USP32: variants seen among roughly 807,000 people sequenced by gnomAD.
The protein encoded by USP32 is ubiquitin carboxyl-terminal hydrolase 32.
A neutral mutation model predicts 204.8 loss-of-function variants in USP32; 59 were observed. The observed-to-expected ratio is 0.29, with a 90% CI of 0.23 to 0.36. The LOEUF (loss-of-function observed/expected upper bound fraction) is 0.36, where lower values mean the gene tolerates loss of function less well. Ranked by LOEUF, USP32 falls within the 10% of genes least tolerant of loss-of-function variation. The pLI is 1.00. For synonymous variants in USP32, 517 were observed against 678.4 expected (o/e 0.76, Z 3.70); for missense variants, 1,160 against 1,946.4 (o/e 0.60, Z 7.60).
At chr17:60,403,308 G>T (rs754195196) in intron 1 of USP32, among the ~76,000 whole-genome samples, 8 of 152,132 alleles carry the variant, frequency 5.3e-5, no homozygotes, top group South Asian at 4.1e-4. Context: ...GAGCCACTGC[G>T]CCCAGCCAAG....
chr17:60,215,697 A>G lies in USP32; in HGVS notation c.1868-923T>C, dbSNP rs1336422954. Among the ~76,000 whole-genome samples the G allele has an allele frequency of 3.3e-5, 5 of 152,202 alleles. No individual in the cohort carries two copies. In the East Asian group the frequency reaches 9.6e-4, roughly 29 times the overall value. Reference sequence around the variant, plus strand: ...ATCTATTACATATCAATTAAAAAAAAAGAGAATTTGACATAAAATTCTAAA... The same window carrying G: ...ATCTATTACATATCAATTAAAAAAAGAGAGAATTTGACATAAAATTCTAAA... On this transcript the variant is annotated intron_variant, in intron 16 of 33. Transcript: ENST00000300896.
At chr17:60,363,899 TG>T (rs1356277066) in intron 1 of USP32, among the ~76,000 whole-genome samples, 1 of 151,726 alleles carries the variant, frequency 6.6e-6, no homozygotes, top group Non-Finnish European at 1.5e-5. Context: ...AAGGAAGTGT[TG>T]GGGGGGCACC....
intron 1 of USP32, among the ~76,000 whole-genome samples, chr17:60,409,551 G>T (rs991131692): frequency 6.6e-6 from 1 of 152,066 alleles, no homozygotes; most frequent in African/African-American, 2.4e-5. Context: ...ATTACCACAA[G>T]CTTAGTGGCT....
intron 2 of USP32, among the ~76,000 whole-genome samples, chr17:60,328,711 C>T (rs1311858775): frequency 2.0e-5 from 3 of 152,220 alleles, no homozygotes; most frequent in South Asian, 2.1e-4. Context: ...CTATGAGTCC[C>T]TCTTTGGGGC....
intron 11 of USP32, among the ~76,000 whole-genome samples, chr17:60,242,607 C>T (rs554011206): frequency 2.6e-4 from 39 of 152,108 alleles, no homozygotes; most frequent in Admixed American, 1.3e-3. Flanking sequence ...GATAGGGTTT[C>T]GCCATGTTGG....
chr17:60,251,282 AAAT>A (rs1342109460), intron 11 of USP32, among the ~76,000 whole-genome samples: 6 of 152,040 alleles, frequency 3.9e-5, no homozygotes, highest in Non-Finnish European at 8.8e-5. Context: ...CTTAAAAAAA[AAAT>A]AATAATAATA....
intron 11 of USP32, 68 bp from the exon 12 acceptor site, chr17:60,236,308 T>C: frequency 7.4e-7 from 1 of 1,343,972 alleles, no homozygotes; most frequent in Non-Finnish European, 1.1e-6. Flanking sequence ...ACAAAAATTA[T>C]CATTAGAAGT....
chr17:60,222,659 T>C (rs2085281870), intron 14 of USP32, 110 bp from the exon 15 acceptor site: 1 of 1,062,968 alleles, frequency 9.4e-7, no homozygotes, highest in South Asian at 1.9e-5. Flanking sequence ...CCCAGTTTCA[T>C]GTTGCTGGAA....
chr17:60,319,290 A>T (rs1252334541), intron 2 of USP32, among the ~76,000 whole-genome samples: 1 of 152,236 alleles, frequency 6.6e-6, no homozygotes, highest in Non-Finnish European at 1.5e-5. Context: ...AAACATAGTA[A>T]AATACAGGGA....
intron 2 of USP32, among the ~76,000 whole-genome samples, chr17:60,338,379 G>A (rs1380014564): frequency 6.6e-6 from 1 of 151,762 alleles, no homozygotes; most frequent in Non-Finnish European, 1.5e-5. Flanking sequence ...ATTTGTTTGA[G>A]AGGAGTAGAT....
intron 2 of USP32, among the ~76,000 whole-genome samples, chr17:60,329,800 G>A (rs1260620476): frequency 6.6e-6 from 1 of 152,090 alleles, no homozygotes; most frequent in African/African-American, 2.4e-5. Context: ...CTCTGCCTTA[G>A]GCAACTTCAT....
chr17:60,223,102 G>C (rs2085296756), intron 14 of USP32, among the ~76,000 whole-genome samples: 1 of 152,002 alleles, frequency 6.6e-6, no homozygotes, highest in Non-Finnish European at 1.5e-5. Flanking sequence ...TAACTTCACA[G>C]ATTTCTTTCA....
chr17:60,198,555 T>C lies in USP32; in HGVS notation c.3250-111A>G, dbSNP rs2084587843. The C allele has an allele frequency of 3.9e-6, 5 of 1,287,280 alleles. No individual in the cohort carries two copies. The South Asian group carries it at 7.1e-5, about 18-fold the overall frequency. The allele number at this position is 1,287,280 out of a possible 1,614,324, so 79.7% of individuals were successfully genotyped here. A position where few individuals can be genotyped will look rare whatever the true frequency, so the allele number is the denominator to read the frequency against. ...AGGCACTATCACCATTTCAAATCAGTCACTATCACATTCTTCTCTGTATTT... is the reference window on the plus strand; with the variant it reads ...AGGCACTATCACCATTTCAAATCAGCCACTATCACATTCTTCTCTGTATTT... On this transcript the variant is annotated intron_variant, in intron 26 of 33. Coordinates refer to ENST00000300896, the MANE Select transcript of USP32 (RefSeq NM_032582.4).
At chr17:60,270,353 A>G (rs1171889829) in intron 6 of USP32, among the ~76,000 whole-genome samples, 2 of 152,198 alleles carry the variant, frequency 1.3e-5, no homozygotes, top group Admixed American at 1.3e-4. Flanking sequence ...ATATTCCCAG[A>G]ATCTAACGCA....
At chr17:60,220,939 C>T (rs1293077331) in intron 15 of USP32, among the ~76,000 whole-genome samples, 2 of 152,060 alleles carry the variant, frequency 1.3e-5, no homozygotes, top group African/African-American at 4.8e-5. Flanking sequence ...TGAGCCACCG[C>T]GCCCAGCCAA....
intron 1 of USP32, among the ~76,000 whole-genome samples, chr17:60,387,979 T>C (rs1184930440): frequency 1.3e-5 from 2 of 152,168 alleles, no homozygotes; most frequent in Admixed American, 6.5e-5. Flanking sequence ...AGTCGGGGAT[T>C]GTCTATATAC....
chr17:60,389,886 G>T (rs1482532759), intron 1 of USP32, among the ~76,000 whole-genome samples: 1 of 151,188 alleles, frequency 6.6e-6, no homozygotes, highest in Non-Finnish European at 1.5e-5. Flanking sequence ...GCGTGGTGGC[G>T]GGCACCTATA....
intron 2 of USP32, among the ~76,000 whole-genome samples, chr17:60,320,336 C>T (rs1471641995): frequency 2.0e-5 from 3 of 152,138 alleles, no homozygotes; most frequent in Non-Finnish European, 4.4e-5. Flanking sequence ...GCTGTACATA[C>T]ATTTGAGGAA....
At chr17:60,256,725 G>A in intron 9 of USP32, 1 of 1,142,490 alleles carries the variant, frequency 8.8e-7, no homozygotes, top group South Asian at 2.2e-5. Context: ...CACGGCAACA[G>A]AAGAACTTCA....
Sources: gnomAD v4.1 joint callset for allele counts (sites outside exome capture counted in the v4.1 genomes callset) on GRCh38, gnomAD v4.1.1 for gene constraint, MANE v1.5 for transcripts, NCBI Gene and HGNC (gene_info 2026-07-23, HGNC 2026-07-21) for gene names.